The following KCNIP4 variants were observed in gnomAD, a reference collection of about 807,000 sequenced individuals.
KCNIP4 encodes potassium voltage-gated channel interacting protein 4.
KCNIP4 carries 12 observed loss-of-function variants against 34.0 expected under a neutral mutation model. The observed-to-expected ratio is 0.35, with a 90% CI of 0.23 to 0.57. The LOEUF is 0.57. KCNIP4 is among the 20% of genes least tolerant of loss of function. The probability of loss-of-function intolerance (pLI) is 0.83; values close to 1 mark genes in which losing one functional copy is unlikely to be tolerated. For synonymous variants in KCNIP4, 124 were observed against 102.2 expected (o/e 1.21, Z -1.29); for missense variants, 238 against 311.7 (o/e 0.76, Z 1.78).
rs117556707 is a variant in KCNIP4, at chr4:21,412,162, A to T, written c.62-529453T>A. Among the ~76,000 whole-genome samples the T allele has an allele frequency of 5.3e-5, 8 of 152,332 alleles. No individual in the cohort carries two copies. In the East Asian group the frequency reaches 1.5e-3, roughly 29 times the overall value. On this transcript the variant is annotated intron_variant, in intron 1 of 8. Coordinates refer to ENST00000382152, the MANE Select transcript of KCNIP4 (RefSeq NM_025221.6). ...CTGGATTGGAAACACTCAAGCCTCT[A>T]GTCTAACCATTTTGTAGCTCTTTGA...
intron 1 of KCNIP4, among the ~76,000 whole-genome samples, chr4:21,801,608 A>T (rs926922112): frequency 6.6e-6 from 1 of 151,440 alleles, no homozygotes; most frequent in African/African-American, 2.4e-5. Context: ...TTATTTTATT[A>T]TTATTATTAT....
intron 1 of KCNIP4, among the ~76,000 whole-genome samples, chr4:21,453,846 T>C (rs1022964442): frequency 3.9e-5 from 6 of 152,114 alleles, no homozygotes; most frequent in African/African-American, 1.4e-4. Flanking sequence ...GCGTGATGGC[T>C]GAGCACCTAA....
intron 1 of KCNIP4, among the ~76,000 whole-genome samples, chr4:20,972,350 A>G (rs1735039632): frequency 6.6e-6 from 1 of 152,198 alleles, no homozygotes; most frequent in Non-Finnish European, 1.5e-5. Flanking sequence ...TACAAAATGT[A>G]TTTCTTAAAT....
intron 1 of KCNIP4, among the ~76,000 whole-genome samples, chr4:21,333,809 AAAGGAAAG>A (rs1715891304): frequency 6.6e-6 from 1 of 152,156 alleles, no homozygotes; most frequent in South Asian, 2.1e-4. Context: ...AGATGTGTTA[AAAGGAAAG>A]AATGGATGCT....
chr4:21,006,540 G>A (rs1738570351), intron 1 of KCNIP4, among the ~76,000 whole-genome samples: 1 of 152,106 alleles, frequency 6.6e-6, no homozygotes, highest in South Asian at 2.1e-4. Context: ...TAATCTACTG[G>A]GGAAAACAGA....
intron 1 of KCNIP4, among the ~76,000 whole-genome samples, chr4:21,896,061 A>C (rs1727366489): frequency 6.6e-6 from 1 of 152,070 alleles, no homozygotes; most frequent in Admixed American, 6.6e-5. Flanking sequence ...TTTTACTGTA[A>C]GTTTGTTTGC....
chr4:21,373,158 C>A (rs1268753286), intron 1 of KCNIP4, among the ~76,000 whole-genome samples: 1 of 146,452 alleles, frequency 6.8e-6, no homozygotes, highest in African/African-American at 2.8e-5. Context: ...CTTGTCTCTA[C>A]AAAAAATGTA....
At chr4:20,994,438 GC>G (rs1291738623) in intron 1 of KCNIP4, among the ~76,000 whole-genome samples, 1 of 152,178 alleles carries the variant, frequency 6.6e-6, no homozygotes, top group Non-Finnish European at 1.5e-5. Flanking sequence ...GGAAAGGGCA[GC>G]TTTAATTAGC....
At chr4:21,289,088 T>C (rs1443803458) in intron 1 of KCNIP4, among the ~76,000 whole-genome samples, 1 of 152,232 alleles carries the variant, frequency 6.6e-6, no homozygotes, top group African/African-American at 2.4e-5. Context: ...TCTTTGGACT[T>C]CAGTTCTGTG....
At chr4:20,764,451 G>T (rs77132131) in intron 3 of KCNIP4, among the ~76,000 whole-genome samples, 3,620 of 152,062 alleles carry the variant, frequency 0.024, 144 homozygotes, top group African/African-American at 0.083. Flanking sequence ...TAGGAATAAT[G>T]ATGTAATTAA....
At chr4:21,882,225 G>C (rs1726498702) in intron 1 of KCNIP4, among the ~76,000 whole-genome samples, 1 of 152,038 alleles carries the variant, frequency 6.6e-6, no homozygotes, top group South Asian at 2.1e-4. Flanking sequence ...ATTTAACACT[G>C]GCTTATTCAA....
chr4:21,863,223 T>C (rs1452717628), intron 1 of KCNIP4, among the ~76,000 whole-genome samples: 1 of 151,892 alleles, frequency 6.6e-6, no homozygotes, highest in East Asian at 1.9e-4. Flanking sequence ...GGTAAGTGTG[T>C]TATCCATATA....
chr4:21,870,203 C>T (rs890255976), intron 1 of KCNIP4, among the ~76,000 whole-genome samples: 13 of 152,080 alleles, frequency 8.5e-5, no homozygotes, highest in African/African-American at 2.4e-4. Flanking sequence ...CATTCCTATA[C>T]GATACCACCA....
At chr4:20,931,247 A>T in intron 1 of KCNIP4, among the ~76,000 whole-genome samples, 1 of 152,006 alleles carries the variant, frequency 6.6e-6, no homozygotes, top group East Asian at 1.9e-4. Flanking sequence ...CCATAAAAAA[A>T]GGTGATCCTG....
At chr4:21,273,274 C>A (rs1184843952) in intron 1 of KCNIP4, among the ~76,000 whole-genome samples, 1 of 152,140 alleles carries the variant, frequency 6.6e-6, no homozygotes, top group Admixed American at 6.6e-5. Flanking sequence ...GACCTACCTA[C>A]TGTATCCTCT....
intron 1 of KCNIP4, among the ~76,000 whole-genome samples, chr4:21,137,555 T>C (rs1465003313): frequency 6.6e-6 from 1 of 152,206 alleles, no homozygotes; most frequent in East Asian, 1.9e-4. Context: ...CATCTTATCA[T>C]CTAGTCAAAA....
intron 1 of KCNIP4, among the ~76,000 whole-genome samples, chr4:21,626,519 C>A (rs1745334665): frequency 6.6e-6 from 1 of 151,742 alleles, no homozygotes; most frequent in African/African-American, 2.4e-5. Context: ...TCTTGGACTT[C>A]CCAGACTCTA....
chr4:20,754,560 A>G (rs1236522924), intron 4 of KCNIP4, among the ~76,000 whole-genome samples: 4 of 152,204 alleles, frequency 2.6e-5, no homozygotes, highest in South Asian at 4.1e-4. Flanking sequence ...TATGATATTA[A>G]TTTTTAAAAA....
chr4:21,519,459 TATGTGTGTATGTGTATGTGTATATAC>T (rs1735138255), intron 1 of KCNIP4, among the ~76,000 whole-genome samples: 2 of 65,202 alleles, frequency 3.1e-5, no homozygotes, highest in South Asian at 4.2e-4. Flanking sequence ...TATATACACA[TATGTGTGTATGTGTATGTGTATATAC>T]ACATATGTGT....
Sources: gnomAD v4.1 joint callset for allele counts (sites outside exome capture counted in the v4.1 genomes callset) on GRCh38, gnomAD v4.1.1 for gene constraint, MANE v1.5 for transcripts, NCBI Gene and HGNC (gene_info 2026-07-23, HGNC 2026-07-21) for gene names.